COPS5: variants seen among roughly 807,000 people sequenced by gnomAD.
COPS5 encodes the protein COP9 signalosome subunit 5.
In COPS5, 8 loss-of-function variants were observed where a neutral mutation model predicts 44.4. The ratio of observed to expected loss-of-function variants is 0.18; its 90% CI spans 0.11 to 0.32. COPS5 has a LOEUF of 0.32. Ranked by LOEUF, COPS5 falls within the 10% of genes least tolerant of loss-of-function variation. The probability of loss-of-function intolerance (pLI) is 1.00; values close to 1 mark genes in which losing one functional copy is unlikely to be tolerated. For missense variants in COPS5, 159 were observed against 406.4 expected (o/e 0.39, Z 5.23); for synonymous variants, 122 against 142.8 (o/e 0.85, Z 1.04).
intron 5 of COPS5, among the ~76,000 whole-genome samples, chr8:67,054,759 G>GGGCA (rs1258816503): frequency 6.6e-6 from 1 of 152,168 alleles, no homozygotes; most frequent in Non-Finnish European, 1.5e-5. Context: ...CAGAAAAAGA[G>GGGCA]GGCAGTAGAT....
chr8:67,059,590 G>C, intron 1 of COPS5, 145 bp from the exon 2 acceptor site: 1 of 629,864 alleles, frequency 1.6e-6, no homozygotes, highest in Non-Finnish European at 2.8e-6. Flanking sequence ...AGTAAAAAAG[G>C]ACAGTTTTTG....
At chr8:67,043,364 T>C (rs1253079841) in intron 7 of COPS5, 47 bp from the exon 8 acceptor site, 5 of 1,203,470 alleles carry the variant, frequency 4.2e-6, no homozygotes, top group Admixed American at 3.7e-5. Context: ...TTGAAAACTA[T>C]TTCAAACACA....
rs1285587524 is a variant in COPS5 at position 67,048,438 on chromosome 8, C to T, written c.772-2478G>A. Among the ~76,000 whole-genome samples the T allele has an allele frequency of 4.6e-5, 7 of 151,166 alleles. No individual in the cohort carries two copies. The East Asian group carries it at 7.8e-4, about 17-fold the overall frequency. On this transcript the variant is annotated intron_variant, in intron 6 of 7. Coordinates refer to ENST00000357849, the MANE Select transcript of COPS5 (RefSeq NM_006837.3). ...TGACTAGCCTAAAAAAAATTCCAGC[C>T]GGGCGCGGTGGCTCACGCCTGTAAT...
At chr8:67,056,445 G>A in intron 5 of COPS5, 74 bp downstream of exon 5, 4 of 489,786 alleles carry the variant, frequency 8.2e-6, no homozygotes, top group Non-Finnish European at 1.5e-5. Context: ...TCCTCTCACT[G>A]TGGCTTCCCA....
At chr8:67,058,550 T>A (rs554122185) in intron 2 of COPS5, among the ~76,000 whole-genome samples, 1 of 152,212 alleles carries the variant, frequency 6.6e-6, no homozygotes, top group East Asian at 1.9e-4. Flanking sequence ...ATCTTTTTAT[T>A]TTTTTTTCTT....
At chr8:67,048,268 CAAAAT>C (rs1486776416) in intron 6 of COPS5, among the ~76,000 whole-genome samples, 2 of 139,110 alleles carry the variant, frequency 1.4e-5, no homozygotes, top group South Asian at 2.3e-4. Flanking sequence ...GACCCTGTCT[CAAAAT>C]AAAATAAAAT....
intron 3 of COPS5, among the ~76,000 whole-genome samples, chr8:67,057,690 A>T (rs1252322516): frequency 6.6e-6 from 1 of 152,206 alleles, no homozygotes; most frequent in Non-Finnish European, 1.5e-5. Flanking sequence ...ATCTATTTTT[A>T]AAAAGTTTTC....
chr8:67,055,553 C>T (rs957847810), intron 5 of COPS5, among the ~76,000 whole-genome samples: 1 of 152,052 alleles, frequency 6.6e-6, no homozygotes, highest in Non-Finnish European at 1.5e-5. Flanking sequence ...ATAATTCATA[C>T]ATCATAAAAT....
At chr8:67,049,520 G>T (rs896951618) in intron 6 of COPS5, among the ~76,000 whole-genome samples, 1 of 152,068 alleles carries the variant, frequency 6.6e-6, no homozygotes, top group African/African-American at 2.4e-5. Flanking sequence ...GAATAAACCT[G>T]AAGAGTTGCA....
At chr8:67,049,678 TGG>T (rs753304404) in intron 6 of COPS5, among the ~76,000 whole-genome samples, 2 of 152,196 alleles carry the variant, frequency 1.3e-5, no homozygotes, top group Non-Finnish European at 2.9e-5. Flanking sequence ...GAGATTTTTC[TGG>T]AAGCGTAATG....
At chr8:67,050,450 C>T (rs1213656367) in intron 6 of COPS5, among the ~76,000 whole-genome samples, 3 of 152,186 alleles carry the variant, frequency 2.0e-5, no homozygotes, top group Non-Finnish European at 4.4e-5. Flanking sequence ...TGGCGCAAGC[C>T]GCTCATCAAG....
chr8:67,053,520 G>C (rs1274951257), intron 5 of COPS5, among the ~76,000 whole-genome samples: 1 of 150,134 alleles, frequency 6.7e-6, no homozygotes, highest in Non-Finnish European at 1.5e-5. Flanking sequence ...GGCCAACATG[G>C]TGAAACCCTG....
chr8:67,058,028 T>C (rs1804537304), intron 3 of COPS5, 55 bp downstream of exon 3: 1 of 1,580,986 alleles, frequency 6.3e-7, no homozygotes, highest in East Asian at 2.2e-5. Context: ...CTCAGTATAC[T>C]TGCTTCAGCA....
intron 6 of COPS5, chr8:67,047,654 A>G: frequency 1.7e-6 from 1 of 597,388 alleles, no homozygotes. Context: ...TGTACTATAC[A>G]TAAAACAACA....
intron 6 of COPS5, among the ~76,000 whole-genome samples, chr8:67,050,312 C>A (rs1281780014): frequency 6.6e-6 from 1 of 151,840 alleles, no homozygotes; most frequent in African/African-American, 2.4e-5. Context: ...CTTTTTTTTT[C>A]TCCTAGTATC....
rs1193424567 is a variant in COPS5 at position 67,062,114 on chromosome 8, T to C, written c.-118A>G. On this transcript the variant is annotated 5_prime_UTR_variant, in exon 1 of 8. Coordinates refer to ENST00000357849, the MANE Select transcript of COPS5 (RefSeq NM_006837.3). The stretch of plus-strand genomic sequence containing the variant: ...CGGGAACAAACTCTTACCTAGACTC[T>C]TGGGGCAGCCATGACACCTAGAACC... 1.3e-6 allele frequency: 2 copies of C among 1,557,208 alleles called. No homozygotes were observed. The highest frequency in any genetic ancestry group is 1.2e-5 in the South Asian group (1 of 86,054).
intron 6 of COPS5, 36 bp downstream of exon 6, chr8:67,051,194 A>G: frequency 7.7e-7 from 1 of 1,290,400 alleles, no homozygotes. Flanking sequence ...AGCTTAGATA[A>G]AATTCAAATG....
chr8:67,056,824 T>TC (rs1228844468), intron 4 of COPS5, among the ~76,000 whole-genome samples: 5 of 151,134 alleles, frequency 3.3e-5, no homozygotes, highest in Non-Finnish European at 7.4e-5. Context: ...GTTTCTACTT[T>TC]CCCCCCACCC....
chr8:67,045,748 T>G (rs912681593), intron 7 of COPS5, 64 bp downstream of exon 7: 4 of 1,544,362 alleles, frequency 2.6e-6, no homozygotes, highest in Non-Finnish European at 3.6e-6. Flanking sequence ...AATACTACTA[T>G]TGTTTGCAAA....
Sources: gnomAD v4.1 joint callset for allele counts (sites outside exome capture counted in the v4.1 genomes callset) on GRCh38, gnomAD v4.1.1 for gene constraint, MANE v1.5 for transcripts, NCBI Gene and HGNC (gene_info 2026-07-23, HGNC 2026-07-21) for gene names.